The following TACC2 variants were observed in gnomAD, a reference collection of about 807,000 sequenced individuals.
TACC2 encodes the protein transforming acidic coiled-coil-containing protein 2.
In TACC2, 137 loss-of-function variants were observed where a neutral mutation model predicts 227.3. The observed-to-expected ratio is 0.60, with a 90% CI of 0.52 to 0.69. TACC2 has a LOEUF of 0.69. Ranked by LOEUF, TACC2 falls within the 30% of genes least tolerant of loss-of-function variation. The pLI is 0.00. For synonymous variants in TACC2, 1,523 were observed against 1,487.5 expected, an observed-to-expected ratio of 1.02 and a Z score of -0.55; for missense variants, 3,470 against 3,694.4, an observed-to-expected ratio of 0.94 and a Z score of 1.57.
At chr10:122,239,901 G>C (rs987322108) in intron 18 of TACC2, among the ~76,000 whole-genome samples, 3 of 152,224 alleles carry the variant, frequency 2.0e-5, no homozygotes, top group African/African-American at 7.2e-5. Context: ...ACTTAACTCT[G>C]CCTCACTTTG....
chr10:122,089,705 ACCTG>A (rs2080521507), intron 5 of TACC2, among the ~76,000 whole-genome samples: 1 of 152,200 alleles, frequency 6.6e-6, no homozygotes, highest in African/African-American at 2.4e-5. Flanking sequence ...TTAAATTAGT[ACCTG>A]TGTACCCTAC....
intron 3 of TACC2, among the ~76,000 whole-genome samples, chr10:122,062,737 A>G (rs1418266012): frequency 6.6e-6 from 1 of 152,212 alleles, no homozygotes; most frequent in Non-Finnish European, 1.5e-5. Flanking sequence ...AGCAGCAACT[A>G]TGGGGAAGGG....
intron 1 of TACC2, among the ~76,000 whole-genome samples, chr10:122,012,845 A>T (rs528761842): frequency 1.3e-5 from 2 of 152,228 alleles, no homozygotes; most frequent in African/African-American, 4.8e-5. Context: ...AATCAGTAAA[A>T]CTGCAAACTC....
intron 7 of TACC2, chr10:122,192,872 T>C: frequency 2.3e-6 from 1 of 427,392 alleles, no homozygotes; most frequent in Non-Finnish European, 4.8e-6. Flanking sequence ...GGAAGCTGGG[T>C]TCCCGGGGCA....
chr10:122,176,073 TTC>T (rs55655832), intron 7 of TACC2, among the ~76,000 whole-genome samples: 1,426 of 92,360 alleles, frequency 0.015, 7 homozygotes, highest in East Asian at 0.022. Context: ...GAGCAAAACC[TTC>T]TCTCTCTCTC....
At chr10:122,116,642 C>G (rs138112791) in intron 5 of TACC2, among the ~76,000 whole-genome samples, 1 of 152,276 alleles carries the variant, frequency 6.6e-6, no homozygotes, top group Non-Finnish European at 1.5e-5. Flanking sequence ...CTGTAAAGGG[C>G]TGTGCAAATG....
chr10:122,210,388 T>G lies in TACC2; in HGVS notation c.5972-9T>G. 1 of 1,609,324 alleles carries G rather than the reference T, an allele frequency of 6.2e-7. No individual in the cohort carries two copies. Among genetic ancestry groups the G allele is most frequent in the Non-Finnish European group, 8.5e-7 (1 of 1,175,748 alleles). The stretch of plus-strand genomic sequence containing the variant: ...TCTGTAATTGATGGCGTTGTCTGTG[T>G]TTCCCCAGGATGTGGTTCTGAGACA... On this transcript the variant is annotated splice_polypyrimidine_tract_variant and intron_variant, in intron 8 of 22. Transcript: ENST00000369005. The surrounding 1 kb of genome is among the most constrained non-coding windows in gnomAD (Gnocchi z 4.6).
chr10:122,071,795 G>A (rs1404380136), intron 3 of TACC2, among the ~76,000 whole-genome samples: 2 of 148,408 alleles, frequency 1.3e-5, no homozygotes, highest in African/African-American at 2.5e-5. Flanking sequence ...GCTGAGGCAC[G>A]AGAAATGCTT....
At chr10:122,088,723 C>A (rs1348209515) in intron 5 of TACC2, 132 bp downstream of exon 5, 1 of 1,543,168 alleles carries the variant, frequency 6.5e-7, no homozygotes, top group South Asian at 1.2e-5. Context: ...AATGGCCATT[C>A]CCGTTTTATG....
chr10:122,201,208 T>TGGCCACATCTACAGTGAGAGGAC (rs2094826551), intron 8 of TACC2, among the ~76,000 whole-genome samples: 4 of 49,376 alleles, frequency 8.1e-5, no homozygotes, highest in African/African-American at 2.3e-4. Context: ...AGTGAGAGGA[T>TGGCCACATCTACAGTGAGAGGAC]GGCCACCTCA....
chr10:122,184,949 T>G (rs1442357965), intron 7 of TACC2, among the ~76,000 whole-genome samples: 1 of 151,962 alleles, frequency 6.6e-6, no homozygotes, highest in Non-Finnish European at 1.5e-5. Flanking sequence ...GCTCTAGTGG[T>G]TGGCCAGAGC....
intron 5 of TACC2, among the ~76,000 whole-genome samples, chr10:122,096,675 G>A (rs182451414): frequency 0.019 from 2,717 of 140,176 alleles, 38 homozygotes; most frequent in Non-Finnish European, 0.027. Flanking sequence ...CAGCCTGGGC[G>A]ACAGAGCAAA....
intron 11 of TACC2, among the ~76,000 whole-genome samples, chr10:122,220,038 CAAAAAAA>C (rs1238298687): frequency 2.1e-5 from 2 of 96,010 alleles, no homozygotes; most frequent in Non-Finnish European, 4.6e-5. Flanking sequence ...ACTCTGTCTC[CAAAAAAA>C]AAAAAAGAAA....
intron 3 of TACC2, among the ~76,000 whole-genome samples, chr10:122,058,863 C>A (rs79557231): frequency 6.7e-6 from 1 of 149,916 alleles, no homozygotes; most frequent in African/African-American, 2.4e-5. Flanking sequence ...CTAGGCCATG[C>A]GTGAGCCACT....
chr10:122,095,636 C>A (rs1262018152), intron 5 of TACC2, among the ~76,000 whole-genome samples: 1 of 152,178 alleles, frequency 6.6e-6, no homozygotes, highest in Non-Finnish European at 1.5e-5. Context: ...GGAACTAGAA[C>A]TAGAACCTCA....
chr10:122,193,639 C>T (rs771806355), intron 7 of TACC2, among the ~76,000 whole-genome samples: 1 of 152,202 alleles, frequency 6.6e-6, no homozygotes, highest in Non-Finnish European at 1.5e-5. Context: ...CTCTAAGTTT[C>T]CATTCTCTTA....
At chr10:122,036,740 A>T (rs989951470) in intron 2 of TACC2, among the ~76,000 whole-genome samples, 2 of 152,152 alleles carry the variant, frequency 1.3e-5, no homozygotes, top group African/African-American at 2.4e-5. Context: ...GCTGTGATGA[A>T]TATGGGTGTC....
chr10:122,027,301 G>A (rs571591855), intron 2 of TACC2, among the ~76,000 whole-genome samples: 2 of 152,222 alleles, frequency 1.3e-5, no homozygotes, highest in African/African-American at 2.4e-5. Context: ...TTAAAGTTAG[G>A]TTGTTTGTTT....
At chr10:122,000,743 C>T (rs2135064873) in intron 1 of TACC2, among the ~76,000 whole-genome samples, 1 of 152,254 alleles carries the variant, frequency 6.6e-6, no homozygotes, top group East Asian at 1.9e-4. Flanking sequence ...ATCCTACTTT[C>T]CACTAACATC....
Sources: allele counts gnomAD v4.1 joint callset (sites outside exome capture counted in the v4.1 genomes callset), GRCh38; gene constraint gnomAD v4.1.1; non-coding constraint Gnocchi (gnomAD v3.1); transcripts MANE v1.5; gene names NCBI Gene and HGNC (gene_info 2026-07-23, HGNC 2026-07-21).